The following ZEB2 variants were observed in gnomAD, a reference collection of about 807,000 sequenced individuals.
The protein encoded by ZEB2 is zinc finger E-box binding homeobox 2, also known as zinc finger E-box-binding homeobox 2.
ZEB2 carries 6 observed loss-of-function variants against 99.9 expected under a neutral mutation model. That is an observed-to-expected ratio of 0.06 (90% CI 0.03 to 0.12). The LOEUF (loss-of-function observed/expected upper bound fraction) is 0.12. Ranked by LOEUF, ZEB2 falls within the 10% of genes least tolerant of loss-of-function variation. The pLI is 1.00. For synonymous variants in ZEB2, 517 were observed against 542.5 expected (o/e 0.95, Z 0.65); for missense variants, 969 against 1,502.8 (o/e 0.64, Z 5.87).
At chr2:144,506,186 G>A (rs942138370) in intron 2 of ZEB2, among the ~76,000 whole-genome samples, 1 of 152,020 alleles carries the variant, frequency 6.6e-6, no homozygotes, top group Non-Finnish European at 1.5e-5. Flanking sequence ...TTAATTCTTC[G>A]CCTCTACTAT....
In ZEB2 at chr2:144,399,500, T is replaced by C; in HGVS notation, c.1687A>G (p.Ile563Val). ...NIKKEKLRTL[I>V]DLVTDDKMIE... ...ATTTTGTCATCAGTGACCAAATCTA[T>C]TAAAGTACGTAGCTTCTCTTTCTTT... Residue 563 changes from isoleucine to valine, a missense_variant, in exon 8 of 10, where the codon ATA (isoleucine) becomes GTA (valine). Ile to Val is a conservative substitution (Grantham distance 29). Transcript: ENST00000627532. The surrounding 1 kb of genome is among the most constrained non-coding windows in gnomAD (Gnocchi z 5.6). 6.2e-7 allele frequency: 1 copy of C among 1,614,218 alleles called. No homozygotes were observed. Among genetic ancestry groups the C allele is most frequent in the Non-Finnish European group, 8.5e-7 (1 of 1,180,032 alleles).
intron 9 of ZEB2, among the ~76,000 whole-genome samples, chr2:144,393,289 G>A (rs1001537455): frequency 2.0e-5 from 3 of 152,122 alleles, no homozygotes; most frequent in Non-Finnish European, 4.4e-5. Context: ...TGATGACTTT[G>A]GTATCTGCCT....
chr2:144,517,202 T>A (rs572773763), intron 2 of ZEB2, 76 bp downstream of exon 2: 1 of 1,593,736 alleles, frequency 6.3e-7, no homozygotes, highest in African/African-American at 1.3e-5. Flanking sequence ...CGGTTCCTTT[T>A]CCCTTTCCCC....
At chr2:144,438,052 T>C (rs1163384039) in intron 2 of ZEB2, among the ~76,000 whole-genome samples, 3 of 152,196 alleles carry the variant, frequency 2.0e-5, no homozygotes, top group Non-Finnish European at 2.9e-5. Context: ...AACCTTAGCA[T>C]GAACCCATAC....
At chr2:144,424,064 T>C (rs1703656423) in intron 4 of ZEB2, among the ~76,000 whole-genome samples, 1 of 152,162 alleles carries the variant, frequency 6.6e-6, no homozygotes, top group Non-Finnish European at 1.5e-5. Context: ...ACATGTAAAT[T>C]TGTGTTGGTG....
intron 2 of ZEB2, among the ~76,000 whole-genome samples, chr2:144,457,542 C>G (rs1704136588): frequency 6.6e-6 from 1 of 151,868 alleles, no homozygotes. Flanking sequence ...TGTGCCTGGG[C>G]AGAAGAGAGA....
At chr2:144,492,103 GAAT>G (rs1366597641) in intron 2 of ZEB2, among the ~76,000 whole-genome samples, 1 of 152,168 alleles carries the variant, frequency 6.6e-6, no homozygotes, top group Non-Finnish European at 1.5e-5. Context: ...CCCAAGCACA[GAAT>G]GATAGCAAAG....
At chr2:144,511,096 A>G (rs764620441) in intron 2 of ZEB2, among the ~76,000 whole-genome samples, 1 of 152,174 alleles carries the variant, frequency 6.6e-6, no homozygotes, top group Non-Finnish European at 1.5e-5. Flanking sequence ...CTCCCACCAG[A>G]TGACACAAGA....
chr2:144,446,038 CCTT>C (rs1166327880), intron 2 of ZEB2, among the ~76,000 whole-genome samples: 1 of 151,992 alleles, frequency 6.6e-6, no homozygotes. Context: ...GTGCCGTCTC[CCTT>C]CTTCTCTCTC....
chr2:144,401,080 GAAAT>G lies in ZEB2; in HGVS notation c.916+115_916+118del. 4.5e-6 allele frequency: 4 copies of G among 898,132 alleles called. No homozygotes were observed. In the Admixed American group the frequency reaches 5.8e-5, roughly 13 times the overall value. 55.6% of individuals were successfully genotyped at this position (898,132 alleles called of 1,614,324 possible). A position where few individuals can be genotyped will look rare whatever the true frequency, so the allele number is the denominator to read the frequency against. On this transcript the variant is annotated intron_variant, in intron 7 of 9. Transcript: ENST00000627532. ...CACAAATCAGGCACACAGAGTTGATGAAATAAATAGATAGTTCCAAAAAGCTACA... is the reference window on the plus strand; with the variant it reads ...CACAAATCAGGCACACAGAGTTGATGAAATAGATAGTTCCAAAAAGCTACA...
intron 2 of ZEB2, among the ~76,000 whole-genome samples, chr2:144,477,868 TGGTGATGAAGG>T (rs1394531747): frequency 6.6e-6 from 1 of 152,212 alleles, no homozygotes; most frequent in Non-Finnish European, 1.5e-5. Context: ...CAATAATCTC[TGGTGATGAAGG>T]GGTTAAGCGG....
At chr2:144,441,525 C>T (rs978160082) in intron 2 of ZEB2, among the ~76,000 whole-genome samples, 1 of 147,772 alleles carries the variant, frequency 6.8e-6, no homozygotes, top group African/African-American at 2.5e-5. Context: ...TAAACAATCA[C>T]ACCAGCATTA....
intron 2 of ZEB2, among the ~76,000 whole-genome samples, chr2:144,446,490 C>G (rs540529554): frequency 6.6e-6 from 1 of 151,992 alleles, no homozygotes; most frequent in African/African-American, 2.4e-5. Flanking sequence ...AAAGATACAC[C>G]TTTCATCTTC....
At position 144,424,798 on chromosome 2, in the gene ZEB2, G is replaced by C; in HGVS notation, c.401C>G (p.Thr134Arg). Residue 134 changes from threonine to arginine, a missense_variant and splice_region_variant, in exon 4 of 10, where the codon ACA (threonine) becomes AGA (arginine). Physicochemically the swap from Thr to Arg is moderately conservative, Grantham distance 71. Transcript: ENST00000627532. ...ATIQTAINNG[T>R]VKNANCTSDF... ...TGAGCGTGGCCAACATAACTCACCT[G>C]TACCATTGTTAATTGCGGTCTGGAT... is the stretch of plus-strand genomic sequence containing the variant. 1 of 1,614,042 alleles carries C rather than the reference G, an allele frequency of 6.2e-7. No homozygotes were observed. Among genetic ancestry groups the C allele is most frequent in the East Asian group, 2.2e-5 (1 of 44,878 alleles).
chr2:144,432,772 G>A (rs1315718977), intron 2 of ZEB2, among the ~76,000 whole-genome samples: 1 of 152,048 alleles, frequency 6.6e-6, no homozygotes. Context: ...CTGTTTTGAT[G>A]TTTGCCCACC....
intron 2 of ZEB2, chr2:144,513,429 T>G: frequency 7.1e-7 from 1 of 1,415,388 alleles, no homozygotes; most frequent in Non-Finnish European, 9.3e-7. Flanking sequence ...GTGGAAACTC[T>G]GGAGAAAAAT....
chr2:144,452,476 C>T (rs1276496593), intron 2 of ZEB2, among the ~76,000 whole-genome samples: 1 of 152,172 alleles, frequency 6.6e-6, no homozygotes, highest in African/African-American at 2.4e-5. Context: ...CCACAAAAGG[C>T]TAAACACTTG....
At chr2:144,484,580 A>G (rs1430496144) in intron 2 of ZEB2, among the ~76,000 whole-genome samples, 2 of 151,990 alleles carry the variant, frequency 1.3e-5, no homozygotes, top group African/African-American at 2.4e-5. Flanking sequence ...ACCTTTTCCT[A>G]TTTGCCATGG....
intron 2 of ZEB2, among the ~76,000 whole-genome samples, chr2:144,468,676 AG>A (rs1007031495): frequency 2.5e-3 from 21 of 8,260 alleles, no homozygotes; most frequent in African/African-American, 4.8e-3. Context: ...ACAGTACAAC[AG>A]GGGGTGAGGA....
Sources: allele counts gnomAD v4.1 joint callset (sites outside exome capture counted in the v4.1 genomes callset), GRCh38; gene constraint gnomAD v4.1.1; non-coding constraint Gnocchi (gnomAD v3.1); transcripts MANE v1.5; gene names NCBI Gene and HGNC (gene_info 2026-07-23, HGNC 2026-07-21).